Variants in FBXO42 observed in about 807,000 individuals in gnomAD.
The protein encoded by FBXO42 is F-box protein 42.
In FBXO42, 12 loss-of-function variants were observed where a neutral mutation model predicts 71.7. That is an observed-to-expected ratio of 0.17 (90% CI 0.11 to 0.27). The LOEUF (loss-of-function observed/expected upper bound fraction) is 0.27, where lower values mean the gene tolerates loss of function less well. FBXO42 is among the 10% of genes least tolerant of loss of function. The pLI is 1.00. For synonymous variants in FBXO42, 325 were observed against 327.5 expected (o/e 0.99, Z 0.08); for missense variants, 707 against 911.9 (o/e 0.78, Z 2.89).
intron 4 of FBXO42, among the ~76,000 whole-genome samples, chr1:16,290,241 A>G (rs1450005110): frequency 6.6e-6 from 1 of 152,192 alleles, no homozygotes; most frequent in Non-Finnish European, 1.5e-5. Flanking sequence ...AAATTACATT[A>G]ATTCCAACTG....
chr1:16,270,445 G>A (rs2081827285), intron 4 of FBXO42, among the ~76,000 whole-genome samples: 1 of 152,038 alleles, frequency 6.6e-6, no homozygotes, highest in South Asian at 2.1e-4. Context: ...CTTAGGATTT[G>A]TCCAGAAAAT....
chr1:16,326,870 G>A (rs1038538815), intron 1 of FBXO42, among the ~76,000 whole-genome samples: 1 of 151,902 alleles, frequency 6.6e-6, no homozygotes, highest in African/African-American at 2.4e-5. Flanking sequence ...CTAAGTAATG[G>A]CTAAAGGCCC....
At chr1:16,338,354 CAAAAAAAA>C (rs55865669) in intron 1 of FBXO42, among the ~76,000 whole-genome samples, 1 of 108,152 alleles carries the variant, frequency 9.2e-6, no homozygotes, top group Admixed American at 1.1e-4. Flanking sequence ...GCCCTATCTC[CAAAAAAAA>C]AAAAAAAAAA....
In FBXO42 at chr1:16,276,712, A is replaced by G. The variant is rs2081907674; in HGVS notation, c.502+18071T>C. Among the ~76,000 whole-genome samples, 4 of 152,384 alleles carry G rather than the reference A, an allele frequency of 2.6e-5. No individual in the cohort carries two copies. The South Asian group carries it at 8.3e-4, about 32-fold the overall frequency. On this transcript the variant is annotated intron_variant, in intron 4 of 9. Transcript: ENST00000375592. ...AATTTATTGTGGTAATAAAACATGA[A>G]GTACTGTTAGGAGATTACATGGATA...
At chr1:16,334,212 T>C (rs2082528252) in intron 1 of FBXO42, among the ~76,000 whole-genome samples, 1 of 152,022 alleles carries the variant, frequency 6.6e-6, no homozygotes, top group Non-Finnish European at 1.5e-5. Context: ...GGCGGGCAGA[T>C]CATGAGGTCA....
chr1:16,267,853 C>G (rs2081795451), intron 4 of FBXO42, among the ~76,000 whole-genome samples: 1 of 152,146 alleles, frequency 6.6e-6, no homozygotes, highest in African/African-American at 2.4e-5. Context: ...TTGTAATGGG[C>G]ATGAGAAACT....
chr1:16,300,964 T>C (rs1295877007), intron 3 of FBXO42, among the ~76,000 whole-genome samples: 1 of 143,520 alleles, frequency 7.0e-6, no homozygotes, highest in Non-Finnish European at 1.5e-5. Flanking sequence ...AGTGGCATAA[T>C]CTTGGCTCAC....
intron 2 of FBXO42, among the ~76,000 whole-genome samples, chr1:16,314,517 G>A (rs1044134214): frequency 6.6e-6 from 1 of 152,202 alleles, no homozygotes; most frequent in Non-Finnish European, 1.5e-5. Context: ...AGAGTTTGCT[G>A]TGAGAATGTA....
rs1381328753 is a variant in FBXO42 at position 16,251,637 on chromosome 1, C to T, written c.1187G>A (p.Arg396Lys). 1.2e-6 allele frequency: 2 copies of T among 1,614,178 alleles called. No individual in the cohort carries two copies. Among genetic ancestry groups the T allele is most frequent in the Admixed American group, 3.3e-5 (2 of 60,012 alleles). Residue 396 changes from arginine (R) to lysine (K), a missense_variant, in exon 10 of 10, where the codon AGA becomes AAA. Around this residue, in one of 5 missense-constraint regions of FBXO42, gnomAD observed 482 missense variants for 587.1 expected, o/e 0.82. Transcript: ENST00000375592. This position sits in a 1 kb window ranked among gnomAD's most constrained non-coding sequence, Gnocchi z 4.5. ...AACACAAGGAGCTTCATCCATGCTT[C>T]TTACTGGAGACTGAGAGCGGTACTC... is the stretch of plus-strand genomic sequence containing the variant. ...TREYRSQSPVRSMDEAPCVNG... is the reference protein window; with the variant it reads ...TREYRSQSPVKSMDEAPCVNG...
At chr1:16,272,014 G>C (rs1251289980) in intron 4 of FBXO42, among the ~76,000 whole-genome samples, 7 of 150,514 alleles carry the variant, frequency 4.7e-5, no homozygotes, top group African/African-American at 1.7e-4. Context: ...AAATAGCTGG[G>C]CGTGGTGGTG....
chr1:16,251,251 C>T lies in FBXO42; in HGVS notation c.1573G>A (p.Gly525Arg). 1 of 1,614,192 alleles carries T rather than the reference C, an allele frequency of 6.2e-7. No homozygotes were observed. Among genetic ancestry groups the T allele is most frequent in the African/African-American group, 1.3e-5 (1 of 75,034 alleles). ...TGTTCAGGAGGGTGTCTCATACTTC[C>T]CCCAACTGTCCTATTGTCCATGCCA... ...MDGMDNRTVG[G>R]SMRHPPEQTN... The change falls in exon 10 of 10, where the codon GGA (glycine) becomes AGA (arginine). Residue 525 changes from glycine (G) to arginine (R), a missense_variant. Coordinates refer to ENST00000375592, the MANE Select transcript of FBXO42 (RefSeq NM_018994.3). This position sits in a 1 kb window ranked among gnomAD's most constrained non-coding sequence, Gnocchi z 4.5.
chr1:16,282,536 T>TA lies in FBXO42; in HGVS notation c.502+12246_502+12247insT, dbSNP rs1557583090. On this transcript the variant is annotated intron_variant, in intron 4 of 9. Transcript: ENST00000375592. ...CCACTGTGCCCGGCCATTTTCTCTTTTAAAAAAAAAAAAAATGCTGATCCA... is the reference window on the plus strand; with the variant it reads ...CCACTGTGCCCGGCCATTTTCTCTTTATAAAAAAAAAAAAAATGCTGATCCA... 3.1e-3 allele frequency among the ~76,000 whole-genome samples: 280 copies of TA among 89,016 alleles called. 2 individuals carry two copies. The highest frequency in any genetic ancestry group is 7.9e-3 in the African/African-American group (266 of 33,538). 58.4% of individuals were successfully genotyped at this position (89,016 alleles called of 152,430 possible).
At chr1:16,292,376 A>C (rs1166694271) in intron 4 of FBXO42, 3 of 151,602 alleles carry the variant, frequency 2.0e-5, no homozygotes, top group African/African-American at 7.3e-5. Context: ...GTCTGGGCTT[A>C]TATCTGTGGG....
At position 16,263,245 on chromosome 1, in the gene FBXO42, G is replaced by A. The variant is rs1036144537; in HGVS notation, c.503-6486C>T. 6.0e-5 allele frequency among the ~76,000 whole-genome samples: 9 copies of A among 150,746 alleles called. No individual in the cohort carries two copies. In the East Asian group the frequency reaches 8.0e-4, roughly 13 times the overall value. Reference sequence around the variant, plus strand: ...TGGGAGGCTGAGGCGGGCGGATCACGAGGTCAGGAGATCGAGACCATCCTG... The same window carrying A: ...TGGGAGGCTGAGGCGGGCGGATCACAAGGTCAGGAGATCGAGACCATCCTG... On this transcript the variant is annotated intron_variant, in intron 4 of 9. Transcript: ENST00000375592.
At chr1:16,307,403 A>G (rs1557594640) in intron 2 of FBXO42, among the ~76,000 whole-genome samples, 1 of 152,126 alleles carries the variant, frequency 6.6e-6, no homozygotes, top group Admixed American at 6.6e-5. Context: ...TGGGAGGCAG[A>G]GGAGGGAGGA....
intron 1 of FBXO42, among the ~76,000 whole-genome samples, chr1:16,338,700 ATATAAACC>A (rs1189968373): frequency 6.6e-6 from 1 of 152,078 alleles, no homozygotes; most frequent in African/African-American, 2.4e-5. Context: ...CTCGGGTGGC[ATATAAACC>A]TAGCTTCCCC....
At chr1:16,309,929 C>T (rs1569900080) in intron 2 of FBXO42, among the ~76,000 whole-genome samples, 1 of 152,080 alleles carries the variant, frequency 6.6e-6, no homozygotes, top group Non-Finnish European at 1.5e-5. Flanking sequence ...AGCGCAGTGG[C>T]TCACGCCTGT....
intron 3 of FBXO42, among the ~76,000 whole-genome samples, chr1:16,301,491 C>T (rs1467729318): frequency 1.3e-5 from 2 of 151,522 alleles, no homozygotes; most frequent in South Asian, 2.1e-4. Flanking sequence ...GGCGAAACCC[C>T]GTCTCTACTA....
At chr1:16,318,236 T>C (rs2082386291) in intron 1 of FBXO42, among the ~76,000 whole-genome samples, 1 of 152,084 alleles carries the variant, frequency 6.6e-6, no homozygotes, top group African/African-American at 2.4e-5. Context: ...ATGGCCAGCA[T>C]GGTGAAACCC....
Sources: gnomAD v4.1 joint callset for allele counts (sites outside exome capture counted in the v4.1 genomes callset) on GRCh38, gnomAD v4.1.1 for gene constraint, gnomAD v4.1.1 regional missense constraint, Gnocchi (gnomAD v3.1) non-coding constraint, MANE v1.5 for transcripts, NCBI Gene and HGNC (gene_info 2026-07-23, HGNC 2026-07-21) for gene names.